The following ELAVL4 variants were observed in gnomAD, a reference collection of about 807,000 sequenced individuals.
The protein encoded by ELAVL4 is ELAV-like protein 4.
Under a neutral mutation model 35.6 loss-of-function variants are expected in ELAVL4, and 1 was observed. The ratio of observed to expected loss-of-function variants is 0.03; its 90% CI spans 0.01 to 0.13. The LOEUF is 0.13. ELAVL4 is among the 10% of genes least tolerant of loss of function. The probability of loss-of-function intolerance (pLI) is 1.00; values close to 1 mark genes in which losing one functional copy is unlikely to be tolerated. For missense variants in ELAVL4, 267 were observed against 464.9 expected, an observed-to-expected ratio of 0.57 and a Z score of 3.91; for synonymous variants, 156 against 171.0, an observed-to-expected ratio of 0.91 and a Z score of 0.69.
intron 1 of ELAVL4, among the ~76,000 whole-genome samples, chr1:50,072,227 G>A (rs1331606267): frequency 6.6e-6 from 1 of 152,170 alleles, no homozygotes; most frequent in African/African-American, 2.4e-5. Context: ...TAAGCAAATT[G>A]ACTAAAGTTC....
At chr1:50,166,675 C>T (rs1042016587) in intron 2 of ELAVL4, among the ~76,000 whole-genome samples, 5 of 152,120 alleles carry the variant, frequency 3.3e-5, no homozygotes, top group African/African-American at 1.2e-4. Flanking sequence ...TTGTAGCTTC[C>T]CATTGACCTT....
intron 2 of ELAVL4, among the ~76,000 whole-genome samples, chr1:50,153,042 C>T (rs549941823): frequency 3.9e-5 from 6 of 152,274 alleles, no homozygotes; most frequent in Admixed American, 6.5e-5. Flanking sequence ...GCAGGACCAA[C>T]GAGCCAGGGA....
intron 1 of ELAVL4, among the ~76,000 whole-genome samples, chr1:50,116,693 G>T (rs957412820): frequency 2.6e-5 from 4 of 151,946 alleles, no homozygotes; most frequent in Non-Finnish European, 5.9e-5. Context: ...TAGTAGAAAG[G>T]CTGAGAACTT....
intron 1 of ELAVL4, among the ~76,000 whole-genome samples, chr1:50,135,582 C>T (rs899244032): frequency 6.6e-6 from 1 of 152,110 alleles, no homozygotes; most frequent in East Asian, 1.9e-4. Flanking sequence ...AGAAGAATGC[C>T]TTGGCTTATA....
At chr1:50,146,760 T>C (rs1673799563) in intron 2 of ELAVL4, among the ~76,000 whole-genome samples, 1 of 152,182 alleles carries the variant, frequency 6.6e-6, no homozygotes. Flanking sequence ...TTCTTCCTCC[T>C]ACTCCTATAT....
At chr1:50,167,622 C>T (rs565687603) in intron 2 of ELAVL4, among the ~76,000 whole-genome samples, 1 of 152,156 alleles carries the variant, frequency 6.6e-6, no homozygotes. Flanking sequence ...AGCCAGGTCA[C>T]CCTTGGTGAG....
chr1:50,111,297 G>A (rs572508408), intron 1 of ELAVL4, among the ~76,000 whole-genome samples: 3 of 150,930 alleles, frequency 2.0e-5, no homozygotes, highest in Admixed American at 6.6e-5. Flanking sequence ...GCGAAAAATC[G>A]CAAGGAATCC....
intron 1 of ELAVL4, among the ~76,000 whole-genome samples, chr1:50,056,929 CA>C (rs35088767): frequency 0.017 from 2,251 of 129,916 alleles, 22 homozygotes; most frequent in Middle Eastern, 0.035. Flanking sequence ...AAGACTGTAT[CA>C]AAAAAAAAAA....
At chr1:50,054,518 G>A (rs1412458335) in intron 1 of ELAVL4, among the ~76,000 whole-genome samples, 1 of 152,020 alleles carries the variant, frequency 6.6e-6, no homozygotes. Context: ...AGATTTAAAA[G>A]TGTGAGATCT....
intron 1 of ELAVL4, among the ~76,000 whole-genome samples, chr1:50,067,826 C>T (rs6656154): frequency 0.02 from 2,992 of 152,182 alleles, 111 homozygotes; most frequent in African/African-American, 0.069. Context: ...TGTCAGAAGG[C>T]GAAGCACACA....
intron 2 of ELAVL4, among the ~76,000 whole-genome samples, chr1:50,164,562 T>G (rs1343293179): frequency 1.3e-5 from 2 of 152,122 alleles, no homozygotes; most frequent in Non-Finnish European, 1.5e-5. Flanking sequence ...TTGGGAAGCC[T>G]AGGTGGAAGG....
At chr1:50,181,973 G>A (rs780014469) in intron 3 of ELAVL4, among the ~76,000 whole-genome samples, 3 of 152,132 alleles carry the variant, frequency 2.0e-5, no homozygotes, top group East Asian at 1.9e-4. Context: ...GTGAGCCACC[G>A]CGCCCGGCTA....
intron 1 of ELAVL4, among the ~76,000 whole-genome samples, chr1:50,134,663 G>A (rs529217139): frequency 1.3e-5 from 2 of 152,212 alleles, no homozygotes; most frequent in South Asian, 4.2e-4. Context: ...AACAAAGAAA[G>A]CTTATTGAAA....
At chr1:50,099,555 C>T (rs548316696), upstream of ELAVL4, among the ~76,000 whole-genome samples, 48 of 131,944 alleles carry the variant, frequency 3.6e-4, no homozygotes, top group East Asian at 7.1e-3. Context: ...AGCGAAACTC[C>T]GCCTCAAAAA....
rs368821933 is a variant in ELAVL4, at chr1:50,076,849, C to A, written c.18+28667C>A. ...AGCATTTATTGAGTGAATTAAAGTA[C>A]AATCAGCAGGACTTAGAAAGTCCTG... On this transcript the variant is annotated intron_variant, in intron 1 of 6. Coordinates refer to the ELAVL4 transcript ENST00000448907. Among the ~76,000 whole-genome samples, 46 of 152,206 alleles carry A rather than the reference C, an allele frequency of 3.0e-4. 1 individual carries two copies. The South Asian group carries it at 8.7e-3, about 29-fold the overall frequency.
At chr1:50,080,415 T>TTCAC in intron 1 of ELAVL4, among the ~76,000 whole-genome samples, 1 of 146,046 alleles carries the variant, frequency 6.8e-6, no homozygotes, top group South Asian at 2.2e-4. Flanking sequence ...TGTTGTTGAT[T>TTCAC]TCACACACAC....
intron 1 of ELAVL4, among the ~76,000 whole-genome samples, chr1:50,124,410 C>T (rs185526517): frequency 5.5e-4 from 83 of 152,168 alleles, no homozygotes; most frequent in Non-Finnish European, 9.0e-4. Context: ...AATCTCACAA[C>T]GATTCTAAGA....
intron 2 of ELAVL4, 43 bp from the exon 3 acceptor site, chr1:50,177,046 G>GTCTCTCTCTCCCTT (rs750772590): frequency 6.6e-7 from 1 of 1,514,178 alleles, no homozygotes; most frequent in Admixed American, 1.7e-5. Flanking sequence ...CTCTCTGTCT[G>GTCTCTCTCTCCCTT]TCTCTCTCTC....
chr1:50,119,108 C>T (rs1026305595), intron 1 of ELAVL4, among the ~76,000 whole-genome samples: 2 of 147,790 alleles, frequency 1.4e-5, no homozygotes, highest in Non-Finnish European at 3.0e-5. Flanking sequence ...GAAAAAGATC[C>T]TTTGCTATGG....
Sources: allele counts gnomAD v4.1 joint callset (sites outside exome capture counted in the v4.1 genomes callset), GRCh38; gene constraint gnomAD v4.1.1; transcripts MANE v1.5; gene names NCBI Gene and HGNC (gene_info 2026-07-23, HGNC 2026-07-21).